Variants in CLEC2A observed in about 807,000 individuals in gnomAD.
CLEC2A encodes keratinocyte-associated C-type lectin.
In CLEC2A, 19 loss-of-function variants were observed where a neutral mutation model predicts 18.6. The ratio of observed to expected loss-of-function variants is 1.02; its 90% CI spans 0.71 to 1.50. The LOEUF is 1.50. Ranked by LOEUF, CLEC2A falls within the 40% of genes most tolerant of loss-of-function variation. The pLI is 0.00. For synonymous variants in CLEC2A, 74 were observed against 64.0 expected (o/e 1.16, Z -0.75); for missense variants, 190 against 207.9 (o/e 0.91, Z 0.53).
At chr12:9,899,100 C>A in intron 4 of CLEC2A, 2 of 539,824 alleles carry the variant, frequency 3.7e-6, no homozygotes, top group Non-Finnish European at 6.8e-6. Context: ...CAGGGAGAGG[C>A]AGGCGAAAAG....
chr12:9,884,153 A>G, the CLEC2A span, among the ~76,000 whole-genome samples: 2 of 152,010 alleles, frequency 1.3e-5, no homozygotes, highest in African/African-American at 2.4e-5. Context: ...TAATATGTGG[A>G]AAAAAGTAGA....
At chr12:9,916,319 A>G (rs548664502) in intron 4 of CLEC2A, among the ~76,000 whole-genome samples, 1 of 152,268 alleles carries the variant, frequency 6.6e-6, no homozygotes, top group Non-Finnish European at 1.5e-5. Flanking sequence ...CCCTTTAAAG[A>G]CAAAGAAATC....
rs182147133 is a variant in CLEC2A, at chr12:9,929,259, G to A, written c.56-2916C>T. 1.3e-3 allele frequency among the ~76,000 whole-genome samples: 197 copies of A among 151,934 alleles called. 1 individual carries two copies. Among genetic ancestry groups the A allele is most frequent in the African/African-American group, 4.0e-3 (166 of 41,440 alleles). ...ATCCTTGTCCTTTATAATTCCTTTT[G>A]TTTTCTTATATCACTGGTTACCTTT... On this transcript the variant is annotated intron_variant, in intron 1 of 4. Coordinates refer to ENST00000455827, the MANE Select transcript of CLEC2A (RefSeq NM_001130711.2).
chr12:9,916,645 A>C (rs1208418159), intron 4 of CLEC2A, 55 bp downstream of exon 4: 5 of 1,145,404 alleles, frequency 4.4e-6, no homozygotes, highest in Middle Eastern at 3.9e-4. Flanking sequence ...AATGATTTAA[A>C]ATTTTTCATA....
At chr12:9,924,701 A>T (rs1863238407) in intron 2 of CLEC2A, among the ~76,000 whole-genome samples, 1 of 152,182 alleles carries the variant, frequency 6.6e-6, no homozygotes. Flanking sequence ...GCAAAAGGTC[A>T]CATATGCCGT....
At chr12:9,888,453 G>A in the CLEC2A span, among the ~76,000 whole-genome samples, 1 of 151,682 alleles carries the variant, frequency 6.6e-6, no homozygotes, top group Non-Finnish European at 1.5e-5. Context: ...TTGCGCCACT[G>A]CACTGCAGCC....
downstream of CLEC2A, among the ~76,000 whole-genome samples, chr12:9,898,385 A>G (rs149353405): frequency 5.2e-3 from 793 of 152,196 alleles, 2 homozygotes; most frequent in Non-Finnish European, 9.0e-3. Flanking sequence ...CCCCTCATCC[A>G]TTGCTTTCTT....
the CLEC2A span, among the ~76,000 whole-genome samples, chr12:9,889,644 A>G: frequency 7.1e-6 from 1 of 140,742 alleles, no homozygotes; most frequent in Admixed American, 6.8e-5. Flanking sequence ...ATGTGTATAT[A>G]TATGTGTGTG....
At chr12:9,912,257 C>A (rs1172155446), downstream of CLEC2A, among the ~76,000 whole-genome samples, 1 of 152,142 alleles carries the variant, frequency 6.6e-6, no homozygotes, top group Non-Finnish European at 1.5e-5. Flanking sequence ...AAGGGGAAGG[C>A]TGTGGTGGCT....
chr12:9,925,995 G>T (rs1863265426), intron 2 of CLEC2A, among the ~76,000 whole-genome samples: 1 of 152,258 alleles, frequency 6.6e-6, no homozygotes, highest in Middle Eastern at 3.4e-3. Flanking sequence ...GTTGCCATCT[G>T]GTGGTCATCT....
chr12:9,881,684 A>T, the CLEC2A span: 1 of 1,506,984 alleles, frequency 6.6e-7, no homozygotes, highest in East Asian at 2.5e-5. Context: ...ACTGCTCCCC[A>T]TCACCGCATT....
At chr12:9,891,476 C>T in the CLEC2A span, among the ~76,000 whole-genome samples, 1 of 152,154 alleles carries the variant, frequency 6.6e-6, no homozygotes, top group Non-Finnish European at 1.5e-5. Flanking sequence ...AGTGGTACTT[C>T]ATTGACCAGT....
At chr12:9,904,525 G>C (rs1216324221) in intron 4 of CLEC2A, among the ~76,000 whole-genome samples, 1 of 152,136 alleles carries the variant, frequency 6.6e-6, no homozygotes, top group Admixed American at 6.5e-5. Context: ...TAGTTGGGTG[G>C]TTCTAGAGAT....
intron 3 of CLEC2A, among the ~76,000 whole-genome samples, chr12:9,921,023 T>G (rs1205013418): frequency 4.6e-5 from 7 of 152,246 alleles, no homozygotes; most frequent in Non-Finnish European, 8.8e-5. Context: ...CTAGTCATCT[T>G]GCCTGGGTTC....
At chr12:9,881,432 G>GA in the CLEC2A span, 6 of 557,322 alleles carry the variant, frequency 1.1e-5, no homozygotes, top group African/African-American at 1.9e-5. Context: ...AACACATCCT[G>GA]TGTGGTTTTA....
intron 4 of CLEC2A, 76 bp from the exon 5 acceptor site, chr12:9,913,756 T>G: frequency 1.1e-6 from 1 of 940,106 alleles, no homozygotes; most frequent in Non-Finnish European, 1.6e-6. Flanking sequence ...AATAGAGTGA[T>G]TTTAAATATA....
At chr12:9,914,431 GC>G (rs1275329309) in intron 4 of CLEC2A, among the ~76,000 whole-genome samples, 2 of 152,156 alleles carry the variant, frequency 1.3e-5, no homozygotes. Flanking sequence ...AAAGAGCAAA[GC>G]TGGAGGCATC....
intron 1 of CLEC2A, among the ~76,000 whole-genome samples, 188 bp from the exon 2 acceptor site, chr12:9,926,531 A>C (rs1863275148): frequency 1.3e-5 from 2 of 152,196 alleles, no homozygotes; most frequent in Non-Finnish European, 2.9e-5. Flanking sequence ...AATGATTGCT[A>C]TAGCTGTTCG....
At chr12:9,902,061 T>C (rs1217364924) in intron 4 of CLEC2A, among the ~76,000 whole-genome samples, 1 of 152,206 alleles carries the variant, frequency 6.6e-6, no homozygotes, top group East Asian at 1.9e-4. Context: ...AAAGTTTACA[T>C]TTCCATGCCT....
Sources: gnomAD v4.1 joint callset for allele counts (sites outside exome capture counted in the v4.1 genomes callset) on GRCh38, gnomAD v4.1.1 for gene constraint, MANE v1.5 for transcripts, NCBI Gene and HGNC (gene_info 2026-07-23, HGNC 2026-07-21) for gene names.